Variants in KCNK10 observed in about 807,000 individuals in gnomAD.
The protein encoded by KCNK10 is potassium channel subfamily K member 10.
KCNK10 carries 25 observed loss-of-function variants against 47.7 expected under a neutral mutation model. That is an observed-to-expected ratio of 0.52 (90% CI 0.38 to 0.73). The LOEUF (loss-of-function observed/expected upper bound fraction) is 0.73, where lower values mean the gene tolerates loss of function less well. KCNK10 is among the 30% of genes least tolerant of loss of function. The pLI, the probability that KCNK10 is intolerant of heterozygous loss-of-function variation, is 0.00. For synonymous variants in KCNK10, 303 were observed against 285.6 expected (o/e 1.06, Z -0.61); for missense variants, 563 against 714.5 (o/e 0.79, Z 2.42).
chr14:88,283,117 G>A (rs964939856), intron 1 of KCNK10, among the ~76,000 whole-genome samples: 1 of 152,138 alleles, frequency 6.6e-6, no homozygotes, highest in African/African-American at 2.4e-5. Flanking sequence ...AAAGAAGAGA[G>A]TGATTATCAC....
intron 4 of KCNK10, among the ~76,000 whole-genome samples, chr14:88,201,586 G>T (rs915777460): frequency 6.6e-6 from 1 of 152,030 alleles, no homozygotes; most frequent in African/African-American, 2.4e-5. Context: ...CTTGAACCCG[G>T]GAGGCAGAGC....
At chr14:88,267,515 C>T (rs1302872273) in intron 1 of KCNK10, among the ~76,000 whole-genome samples, 1 of 151,884 alleles carries the variant, frequency 6.6e-6, no homozygotes. Flanking sequence ...GGACTACAGG[C>T]GTGCACCACC....
At chr14:88,256,987 T>C (rs745331227) in intron 2 of KCNK10, among the ~76,000 whole-genome samples, 16 of 152,146 alleles carry the variant, frequency 1.1e-4, no homozygotes, top group Non-Finnish European at 2.9e-5. Flanking sequence ...TGGTATAGGA[T>C]TTAACGTGGG....
At chr14:88,188,137 C>T in intron 5 of KCNK10, 28 bp from the exon 6 acceptor site, 1 of 1,612,294 alleles carries the variant, frequency 6.2e-7, no homozygotes, top group Non-Finnish European at 8.5e-7. Flanking sequence ...TTACTTTAAC[C>T]ATGATCTAGC....
rs1888572776 is a variant in KCNK10, at chr14:88,322,720, G to C, written c.52+27C>G. The C allele has an allele frequency of 6.2e-7, 1 of 1,613,940 alleles. No individual in the cohort carries two copies. The highest frequency in any genetic ancestry group is 8.5e-7 in the Non-Finnish European group (1 of 1,179,894). On this transcript the variant is annotated intron_variant, in intron 1 of 6. Coordinates refer to ENST00000319231, the MANE Select transcript of KCNK10 (RefSeq NM_138317.3). This position sits in a 1 kb window ranked among gnomAD's most constrained non-coding sequence, Gnocchi z 4.8. Reference sequence around the variant, plus strand: ...CACGCCGGAGACAGAGGCAGGGCGAGGGCAGCCAAAAGTAGGAAACACCCA... The same window carrying C: ...CACGCCGGAGACAGAGGCAGGGCGACGGCAGCCAAAAGTAGGAAACACCCA...
chr14:88,182,063 CA>C lies in KCNK10; in HGVS notation c.*3471del. The C allele has an allele frequency of 6.4e-6, 1 of 155,066 alleles. No individual in the cohort carries two copies. The highest frequency in any genetic ancestry group is 6.5e-5 in the Admixed American group (1 of 15,290). 9.6% of individuals were successfully genotyped at this position (155,066 alleles called of 1,614,324 possible). ...ACACACACACACACACACACACACA[CA>C]CACACACACACACACACACACTCTA... is the stretch of plus-strand genomic sequence containing the variant. On this transcript the variant is annotated 3_prime_UTR_variant, in exon 7 of 7. Transcript: ENST00000319231.
At chr14:88,275,367 A>T (rs1190427906) in intron 1 of KCNK10, among the ~76,000 whole-genome samples, 1 of 152,024 alleles carries the variant, frequency 6.6e-6, no homozygotes, top group East Asian at 1.9e-4. Flanking sequence ...TCAGCATCCC[A>T]CACACAACCC....
rs1464133345 is a variant in KCNK10 at position 88,184,250 on chromosome 14, T to C, written c.*1285A>G. 1 of 152,324 alleles carries C rather than the reference T, an allele frequency of 6.6e-6. No individual in the cohort carries two copies. Among genetic ancestry groups the C allele is most frequent in the Non-Finnish European group, 1.5e-5 (1 of 68,030 alleles). 9.4% of individuals were successfully genotyped at this position (152,324 alleles called of 1,614,324 possible). On this transcript the variant is annotated 3_prime_UTR_variant, in exon 7 of 7. Transcript: ENST00000319231. Reference sequence around the variant, plus strand: ...CAATCAGTCTAGGGTGTTCCAGTTTTAGTGAGTAACCGATGTGAGATGTAG... The same window carrying C: ...CAATCAGTCTAGGGTGTTCCAGTTTCAGTGAGTAACCGATGTGAGATGTAG...
intron 1 of KCNK10, among the ~76,000 whole-genome samples, chr14:88,266,272 A>G (rs1887251450): frequency 6.6e-6 from 1 of 152,236 alleles, no homozygotes; most frequent in African/African-American, 2.4e-5. Context: ...TTGGCACTCC[A>G]GCAATACTGA....
upstream of KCNK10, chr14:88,326,464 G>T (rs771728638): frequency 4.3e-6 from 7 of 1,612,764 alleles, no homozygotes; most frequent in Non-Finnish European, 5.1e-6. Context: ...ATCCAAGAAA[G>T]ATGCCGCTCC....
In KCNK10 at chr14:88,183,110, A is replaced by C. The variant is rs933163950; in HGVS notation, c.*2425T>G. The C allele has an allele frequency of 2.6e-5, 4 of 152,348 alleles. No individual in the cohort carries two copies. The highest frequency in any genetic ancestry group is 9.6e-5 in the African/African-American group (4 of 41,460). 9.4% of individuals were successfully genotyped at this position (152,348 alleles called of 1,614,324 possible). On this transcript the variant is annotated 3_prime_UTR_variant, in exon 7 of 7. Transcript: ENST00000319231. ...ACACAGACACTGTAGTGAAGTTGAA[A>C]GCAGACTTTGGTCAGACTTTGAATA...
intron 1 of KCNK10, among the ~76,000 whole-genome samples, chr14:88,320,007 C>G (rs1888511056): frequency 6.6e-6 from 1 of 152,328 alleles, no homozygotes; most frequent in African/African-American, 2.4e-5. Context: ...TATGCCACCT[C>G]ACTCCTCACT....
intron 4 of KCNK10, among the ~76,000 whole-genome samples, chr14:88,207,168 C>CTTTTTTTT (rs55711197): frequency 9.3e-6 from 1 of 107,750 alleles, no homozygotes; most frequent in African/African-American, 3.8e-5. Context: ...AGGTCACTCT[C>CTTTTTTTT]TTTTTTTTTT....
At chr14:88,297,958 G>A (rs563142184) in intron 1 of KCNK10, among the ~76,000 whole-genome samples, 6 of 152,272 alleles carry the variant, frequency 3.9e-5, no homozygotes, top group South Asian at 2.1e-4. Flanking sequence ...AAAGCTGCTC[G>A]TTATGCGTTC....
At chr14:88,190,061 T>G (rs914950541) in intron 5 of KCNK10, among the ~76,000 whole-genome samples, 1 of 152,210 alleles carries the variant, frequency 6.6e-6, no homozygotes, top group African/African-American at 2.4e-5. Context: ...GTTGTGCCCT[T>G]ACTAGGTAAG....
intron 2 of KCNK10, among the ~76,000 whole-genome samples, chr14:88,250,701 T>C (rs1394204630): frequency 1.3e-5 from 2 of 152,214 alleles, no homozygotes; most frequent in Non-Finnish European, 2.9e-5. Context: ...ACCAAGGGAA[T>C]CTGCTCATGC....
At chr14:88,230,487 T>C (rs1234010692) in intron 3 of KCNK10, among the ~76,000 whole-genome samples, 2 of 152,184 alleles carry the variant, frequency 1.3e-5, no homozygotes, top group African/African-American at 4.8e-5. Flanking sequence ...GCCTGAGGAG[T>C]GCACACAAAG....
At chr14:88,246,110 C>T (rs1047927064) in intron 2 of KCNK10, among the ~76,000 whole-genome samples, 3 of 151,874 alleles carry the variant, frequency 2.0e-5, no homozygotes, top group African/African-American at 7.3e-5. Flanking sequence ...CGGGGTTTCA[C>T]CGTGTTAGCC....
intron 2 of KCNK10, among the ~76,000 whole-genome samples, chr14:88,243,318 C>T (rs1467172630): frequency 6.6e-6 from 1 of 152,172 alleles, no homozygotes; most frequent in Non-Finnish European, 1.5e-5. Context: ...GTAGTATTAT[C>T]CCCCACCTTA....
Sources: gnomAD v4.1 joint callset for allele counts (sites outside exome capture counted in the v4.1 genomes callset) on GRCh38, gnomAD v4.1.1 for gene constraint, Gnocchi (gnomAD v3.1) non-coding constraint, MANE v1.5 for transcripts, NCBI Gene and HGNC (gene_info 2026-07-23, HGNC 2026-07-21) for gene names.